The following SPON1 variants were observed in gnomAD, a reference collection of about 807,000 sequenced individuals.
SPON1 encodes spondin-1.
Under a neutral mutation model 111.7 loss-of-function variants are expected in SPON1, and 52 were observed. That is an observed-to-expected ratio of 0.47 (90% CI 0.37 to 0.59). The LOEUF (loss-of-function observed/expected upper bound fraction) is 0.59, where lower values mean the gene tolerates loss of function less well. Among genes scored for constraint, SPON1 ranks in the 20% least tolerant of loss-of-function variants. The pLI is 0.00. For missense variants in SPON1, 957 were observed against 1,068.5 expected (o/e 0.90, Z 1.46); for synonymous variants, 410 against 395.8 (o/e 1.04, Z -0.43).
chr11:14,035,640 CAG>C (rs1449434369), intron 2 of SPON1, among the ~76,000 whole-genome samples: 5 of 117,610 alleles, frequency 4.3e-5, no homozygotes, highest in African/African-American at 1.4e-4. Context: ...TTTTTTAAGA[CAG>C]GGTCTCACTC....
intron 3 of SPON1, among the ~76,000 whole-genome samples, chr11:14,064,437 G>C (rs1554920175): frequency 6.6e-6 from 1 of 152,238 alleles, no homozygotes; most frequent in African/African-American, 2.4e-5. Context: ...AGGCAGAGAG[G>C]AGGGTAGAAG....
intron 2 of SPON1, among the ~76,000 whole-genome samples, chr11:14,040,202 A>T (rs2133813010): frequency 6.6e-6 from 1 of 152,326 alleles, no homozygotes; most frequent in South Asian, 2.1e-4. Flanking sequence ...GAGGTTCTTC[A>T]TTACATCAAT....
chr11:14,224,240 G>A (rs1403599942), intron 6 of SPON1, among the ~76,000 whole-genome samples: 1 of 152,122 alleles, frequency 6.6e-6, no homozygotes, highest in Non-Finnish European at 1.5e-5. Flanking sequence ...ATATGTAAGG[G>A]GGTAACAGCA....
At chr11:14,250,366 G>GT (rs146125765) in intron 7 of SPON1, among the ~76,000 whole-genome samples, 1,382 of 133,682 alleles carry the variant, frequency 0.01, 18 homozygotes, top group East Asian at 0.051. Context: ...CTCTGGGTCT[G>GT]TTTTTTTTTT....
At chr11:14,238,244 G>T (rs1320789200) in intron 6 of SPON1, among the ~76,000 whole-genome samples, 5 of 152,078 alleles carry the variant, frequency 3.3e-5, no homozygotes, top group African/African-American at 1.2e-4. Flanking sequence ...CTTCCTGTGG[G>T]GAGGAGAGAT....
intron 2 of SPON1, among the ~76,000 whole-genome samples, chr11:14,028,883 C>A (rs1371449192): frequency 2.0e-5 from 3 of 152,132 alleles, no homozygotes; most frequent in Non-Finnish European, 4.4e-5. Context: ...TCCCCACTAC[C>A]CCATGCTACC....
At chr11:14,231,265 C>G (rs1346196587) in intron 6 of SPON1, among the ~76,000 whole-genome samples, 1 of 152,074 alleles carries the variant, frequency 6.6e-6, no homozygotes, top group African/African-American at 2.4e-5. Flanking sequence ...TCCGGAGTAG[C>G]TGGGACTACA....
rs1554941148 is a variant in SPON1, at chr11:14,255,747, C to G, written c.1193C>G (p.Thr398Ser). Residue 398 changes from threonine (T) to serine (S), a missense_variant, in exon 9 of 16, where the codon ACT (threonine) becomes AGT (serine). Thr to Ser is a moderately conservative substitution (Grantham distance 58, BLOSUM62 1). This residue lies in a region of SPON1 where 549 missense variants were observed against 606.2 expected (regional missense o/e 0.91). Coordinates refer to ENST00000576479, the MANE Select transcript of SPON1 (RefSeq NM_006108.4). ...TATGACCCAGAGGGTGGGTCCATCA[C>G]TCAAGTAGCCAGAGTTGTCATCGAG... is the stretch of plus-strand genomic sequence containing the variant. ...PFYDPEGGSI[T>S]QVARVVIERI... is the part of the protein sequence containing the mutation. 6.2e-7 allele frequency: 1 copy of G among 1,613,922 alleles called. No individual in the cohort carries two copies. Among genetic ancestry groups the G allele is most frequent in the Admixed American group, 1.7e-5 (1 of 60,002 alleles).
intron 5 of SPON1, among the ~76,000 whole-genome samples, chr11:14,088,803 C>G (rs190914533): frequency 5.8e-4 from 88 of 152,070 alleles, no homozygotes; most frequent in African/African-American, 2.0e-3. Context: ...CATATACTCC[C>G]ATATTTCTTA....
At chr11:14,231,117 C>CTTTTTTTCT (rs1271499797) in intron 6 of SPON1, among the ~76,000 whole-genome samples, 3 of 150,966 alleles carry the variant, frequency 2.0e-5, no homozygotes, top group African/African-American at 7.3e-5. Flanking sequence ...CCAGCCGCCA[C>CTTTTTTTCT]TTTTTTTCTT....
intron 5 of SPON1, among the ~76,000 whole-genome samples, chr11:14,123,537 C>A (rs782187765): frequency 2.6e-5 from 4 of 152,080 alleles, no homozygotes; most frequent in Non-Finnish European, 4.4e-5. Context: ...ATTGTGTGAC[C>A]TCTAGAATCT....
At chr11:14,117,316 G>T (rs1849274095) in intron 5 of SPON1, among the ~76,000 whole-genome samples, 1 of 152,022 alleles carries the variant, frequency 6.6e-6, no homozygotes, top group Non-Finnish European at 1.5e-5. Flanking sequence ...TATTGCTATG[G>T]CTTTTTTGTA....
chr11:14,218,669 C>T (rs1275018698), intron 6 of SPON1, among the ~76,000 whole-genome samples: 2 of 152,120 alleles, frequency 1.3e-5, no homozygotes, highest in East Asian at 1.9e-4. Flanking sequence ...TGCCTAGAGA[C>T]CCATGAAATG....
rs76525694 is a variant in SPON1, at chr11:14,002,638, G to C, written c.345+19685G>C. Among the ~76,000 whole-genome samples, 798 of 152,184 alleles carry C rather than the reference G, an allele frequency of 5.2e-3. 9 individuals carry two copies. The highest frequency in any genetic ancestry group is 0.018 in the African/African-American group (738 of 41,524). On this transcript the variant is annotated intron_variant, in intron 2 of 15. Coordinates refer to ENST00000576479, the MANE Select transcript of SPON1 (RefSeq NM_006108.4). ...AACACATATTCCTAGAGGAGACTTT[G>C]AGATTGGATTTGTAACTTTCTTCAT...
In SPON1 at chr11:14,052,456, G is replaced by A. The variant is rs143365215; in HGVS notation, c.479+10802G>A. ...CATTAGGTAGCAAGAGGAACTACAG[G>A]CTCCTTTGTTGTAAGTCAGGGTGGT... On this transcript the variant is annotated intron_variant, in intron 3 of 15. Transcript: ENST00000576479. Among the ~76,000 whole-genome samples the A allele has an allele frequency of 1.8e-3, 280 of 152,292 alleles. 2 individuals carry two copies. The highest frequency in any genetic ancestry group is 6.3e-3 in the African/African-American group (264 of 41,578).
intron 2 of SPON1, among the ~76,000 whole-genome samples, chr11:14,000,861 C>A (rs1232580053): frequency 3.3e-5 from 5 of 152,328 alleles, no homozygotes; most frequent in Non-Finnish European, 7.3e-5. Flanking sequence ...CTCCACCCCT[C>A]ATTAACTATA....
intron 2 of SPON1, among the ~76,000 whole-genome samples, chr11:14,039,245 C>T (rs114027050): frequency 6.6e-6 from 1 of 152,150 alleles, no homozygotes; most frequent in Non-Finnish European, 1.5e-5. Context: ...TCATATGATA[C>T]TACAATGGTG....
chr11:14,139,577 ATTAGT>A (rs1272057849), intron 6 of SPON1, among the ~76,000 whole-genome samples: 1 of 152,106 alleles, frequency 6.6e-6, no homozygotes, highest in East Asian at 1.9e-4. Context: ...TATTGAACTT[ATTAGT>A]TTATTCATTT....
At chr11:14,115,468 C>T (rs377495503) in intron 5 of SPON1, among the ~76,000 whole-genome samples, 2 of 152,116 alleles carry the variant, frequency 1.3e-5, no homozygotes, top group Non-Finnish European at 2.9e-5. Flanking sequence ...ATTAATTTGG[C>T]CTGTTTTAAA....
Sources: gnomAD v4.1 joint callset for allele counts (sites outside exome capture counted in the v4.1 genomes callset) on GRCh38, gnomAD v4.1.1 for gene constraint, gnomAD v4.1.1 regional missense constraint, MANE v1.5 for transcripts, NCBI Gene and HGNC (gene_info 2026-07-23, HGNC 2026-07-21) for gene names.